The following GTF2A2 variants were observed in gnomAD, a reference collection of about 807,000 sequenced individuals.
GTF2A2 encodes the protein general transcription factor IIA subunit 2, also known as transcription initiation factor IIA subunit 2.
GTF2A2 carries 9 observed loss-of-function variants against 14.3 expected under a neutral mutation model. That is an observed-to-expected ratio of 0.63 (90% CI 0.38 to 1.10). GTF2A2 has a LOEUF of 1.10. GTF2A2 is among the 50% of genes least tolerant of loss of function. GTF2A2 has a pLI of 0.01. For synonymous variants in GTF2A2, 56 were observed against 46.0 expected (o/e 1.22, Z -0.88); for missense variants, 90 against 124.6 (o/e 0.72, Z 1.32).
At chr15:59,642,868 G>A (rs1891477040) in intron 3 of GTF2A2, among the ~76,000 whole-genome samples, 1 of 152,114 alleles carries the variant, frequency 6.6e-6, no homozygotes, top group South Asian at 2.1e-4. Flanking sequence ...CCAGGTTCAA[G>A]AGATTCTCCT....
chr15:59,652,273 G>T lies in GTF2A2; in HGVS notation c.5C>A (p.Ala2Glu). 6.3e-7 allele frequency: 1 copy of T among 1,586,806 alleles called. No homozygotes were observed. The highest frequency in any genetic ancestry group is 8.6e-7 in the Non-Finnish European group (1 of 1,157,598). M[A>E]YQLYRNTTLG... ...AGTAGTATTTCTGTATAACTGATAT[G>T]CCATGGCTTAGGAGGAAGAATTTGT... is the stretch of plus-strand genomic sequence containing the variant. Residue 2 changes from alanine to glutamate, a missense_variant, in exon 2 of 5, where the codon GCA becomes GAA. Coordinates refer to ENST00000396060, the MANE Select transcript of GTF2A2 (RefSeq NM_004492.3).
intron 3 of GTF2A2, among the ~76,000 whole-genome samples, chr15:59,643,287 C>T (rs1353706516): frequency 6.6e-6 from 1 of 151,774 alleles, no homozygotes; most frequent in Non-Finnish European, 1.5e-5. Flanking sequence ...ACCACGTTAG[C>T]CAGGCTGGTC....
chr15:59,654,742 G>A (rs1270284681), intron 1 of GTF2A2, among the ~76,000 whole-genome samples: 1 of 152,160 alleles, frequency 6.6e-6, no homozygotes, highest in Non-Finnish European at 1.5e-5. Context: ...GGAAACTGCA[G>A]CAATAACTTC....
chr15:59,650,769 T>C lies in GTF2A2; in HGVS notation c.77A>G (p.Gln26Arg). 1 of 1,565,148 alleles carries C rather than the reference T, an allele frequency of 6.4e-7. No individual in the cohort carries two copies. The highest frequency in any genetic ancestry group is 1.4e-5 in the African/African-American group (1 of 74,032). The change falls in exon 3 of 5, where the codon CAA (glutamine) becomes CGA (arginine). Residue 26 changes from glutamine (Q) to arginine (R), a missense_variant. Gln to Arg is a conservative substitution (Grantham distance 43). Transcript: ENST00000396060. ...AAGGGCAAGTTGGGGGGTGATCTGT[T>C]GAGACTGAGAAAAGGTAAAGGTCAT... ...QESLDELIQS[Q>R]QITPQLALQV...
At chr15:59,654,435 G>A (rs1333394516) in intron 1 of GTF2A2, among the ~76,000 whole-genome samples, 1 of 152,134 alleles carries the variant, frequency 6.6e-6, no homozygotes, top group African/African-American at 2.4e-5. Flanking sequence ...TACTCCATCA[G>A]AAAGGCCTTC....
At chr15:59,639,662 G>T in intron 4 of GTF2A2, among the ~76,000 whole-genome samples, 1 of 151,920 alleles carries the variant, frequency 6.6e-6, no homozygotes, top group Non-Finnish European at 1.5e-5. Context: ...GTTTCACCAT[G>T]TTAGCCAGGA....
intron 3 of GTF2A2, among the ~76,000 whole-genome samples, chr15:59,645,119 A>G (rs1251300533): frequency 1.3e-5 from 2 of 152,204 alleles, no homozygotes; most frequent in Admixed American, 6.5e-5. Flanking sequence ...TGGGGGACAG[A>G]GAAATCCACG....
chr15:59,645,113 G>A (rs1051452230), intron 3 of GTF2A2, among the ~76,000 whole-genome samples: 13 of 152,106 alleles, frequency 8.5e-5, no homozygotes, highest in Admixed American at 5.9e-4. Flanking sequence ...TGGGGTTGGG[G>A]GACAGAGAAA....
At chr15:59,647,101 T>C (rs768578099) in intron 3 of GTF2A2, among the ~76,000 whole-genome samples, 2 of 152,084 alleles carry the variant, frequency 1.3e-5, no homozygotes, top group African/African-American at 4.8e-5. Context: ...TACATACATA[T>C]AGTTTTTTTG....
chr15:59,650,646 T>A, intron 3 of GTF2A2, 23 bp downstream of exon 3: 1 of 1,318,758 alleles, frequency 7.6e-7, no homozygotes, highest in Non-Finnish European at 1.1e-6. Context: ...TACAGGCTTC[T>A]AGATTCAGGA....
rs1891451424 is a variant in GTF2A2, at chr15:59,642,179, A to G, written c.261T>C (p.Leu87=). Residue 87 remains leucine, a synonymous_variant, in exon 4 of 5, where the codon CTT becomes CTC. Coordinates refer to ENST00000396060, the MANE Select transcript of GTF2A2 (RefSeq NM_004492.3). ...CAATTTTCACTTTATCCACTTTAAT[A>G]AGTTCTGTCACCTCTCTGAATTCAA... ...NDVEFREVTE[L]IKVDKVKIVA... 6.2e-7 allele frequency: 1 copy of G among 1,609,754 alleles called. No individual in the cohort carries two copies. Among genetic ancestry groups the G allele is most frequent in the Non-Finnish European group, 8.5e-7 (1 of 1,177,796 alleles).
At chr15:59,657,100 T>A (rs1891968960) in intron 1 of GTF2A2, 1 of 152,266 alleles carries the variant, frequency 6.6e-6, no homozygotes, top group African/African-American at 2.4e-5. Flanking sequence ...CACAGGGCGC[T>A]AGTGGATGCT....
chr15:59,652,551 T>C (rs117916609), intron 1 of GTF2A2, among the ~76,000 whole-genome samples: 132 of 152,336 alleles, frequency 8.7e-4, no homozygotes, highest in Non-Finnish European at 1.6e-3. Context: ...TTATGCAGTA[T>C]AGCTGTTATA....
chr15:59,640,731 G>A (rs549637763), intron 4 of GTF2A2, among the ~76,000 whole-genome samples: 20 of 152,118 alleles, frequency 1.3e-4, no homozygotes, highest in African/African-American at 4.8e-4. Context: ...AATATAACAA[G>A]GGTTACGAGG....
At chr15:59,639,796 G>A (rs796375588) in intron 4 of GTF2A2, among the ~76,000 whole-genome samples, 5 of 151,980 alleles carry the variant, frequency 3.3e-5, no homozygotes, top group African/African-American at 9.7e-5. Flanking sequence ...TGTTGCCCAG[G>A]CTGGAGTGCA....
At chr15:59,649,326 A>G (rs1407814926) in intron 3 of GTF2A2, among the ~76,000 whole-genome samples, 1 of 152,200 alleles carries the variant, frequency 6.6e-6, no homozygotes, top group Non-Finnish European at 1.5e-5. Context: ...AAAATAGACA[A>G]ACTCACAAAA....
intron 4 of GTF2A2, among the ~76,000 whole-genome samples, chr15:59,641,620 A>G (rs1263007582): frequency 6.6e-6 from 1 of 152,218 alleles, no homozygotes; most frequent in Non-Finnish European, 1.5e-5. Context: ...TAGTTTTTGA[A>G]ACATTTAAGG....
Position 59,639,111 on chromosome 15 carries a change from A to AAAAAGTCATATTTTTTCTATTCATTC in GTF2A2, c.325_*20dup, listed in dbSNP as rs1566921748. The AAAAAGTCATATTTTTTCTATTCATTC allele has an allele frequency of 1.5e-6, 2 of 1,353,976 alleles. No homozygotes were observed. The highest frequency in any genetic ancestry group is 3.4e-5 in the Admixed American group (2 of 59,326). The allele number at this position is 1,353,976 out of a possible 1,614,324, so 83.9% of individuals were successfully genotyped here. A position where few individuals can be genotyped will look rare whatever the true frequency, so the allele number is the denominator to read the frequency against. On this transcript the variant is annotated 3_prime_UTR_variant, in exon 5 of 5. Coordinates refer to ENST00000396060, the MANE Select transcript of GTF2A2 (RefSeq NM_004492.3). ...GCAATGAATAACAGAAGATGGTGTA[A>AAAAAGTCATATTTTTTCTATTCATTC]AAAAGTCATATTTTTTCTATTCATT...
chr15:59,655,047 T>G (rs1299314674), intron 1 of GTF2A2, among the ~76,000 whole-genome samples: 2 of 152,216 alleles, frequency 1.3e-5, no homozygotes, highest in African/African-American at 4.8e-5. Flanking sequence ...TATTTTTATC[T>G]AAATCCAATC....
Sources: gnomAD v4.1 joint callset for allele counts (sites outside exome capture counted in the v4.1 genomes callset) on GRCh38, gnomAD v4.1.1 for gene constraint, MANE v1.5 for transcripts, NCBI Gene and HGNC (gene_info 2026-07-23, HGNC 2026-07-21) for gene names.